SULT2A1: variants seen among roughly 807,000 people sequenced by gnomAD.
SULT2A1 encodes the protein sulfotransferase family 2A member 1.
SULT2A1 carries 43 observed loss-of-function variants against 33.9 expected under a neutral mutation model. That is an observed-to-expected ratio of 1.27 (90% CI 1.00 to 1.64). SULT2A1 has a LOEUF of 1.64. Among genes scored for constraint, SULT2A1 ranks in the 40% most tolerant of loss-of-function variants. SULT2A1 has a pLI of 0.00. For synonymous variants in SULT2A1, 125 were observed against 113.6 expected, an observed-to-expected ratio of 1.10 and a Z score of -0.64; for missense variants, 300 against 335.1, an observed-to-expected ratio of 0.90 and a Z score of 0.82.
intron 4 of SULT2A1, among the ~76,000 whole-genome samples, chr19:47,875,886 T>C (rs1372403256): frequency 1.3e-5 from 2 of 152,194 alleles, no homozygotes; most frequent in Non-Finnish European, 2.9e-5. Context: ...TACTGTCAGA[T>C]AGTACTGTTT....
chr19:47,883,014 C>T (rs535351786), intron 2 of SULT2A1, among the ~76,000 whole-genome samples: 17 of 152,002 alleles, frequency 1.1e-4, no homozygotes, highest in Non-Finnish European at 2.2e-4. Flanking sequence ...CTGGATATGC[C>T]TTGTCCCTCT....
rs1442952150 is a variant in SULT2A1, at chr19:47,871,463, A to T, written c.850T>A (p.Trp284Arg). The T allele has an allele frequency of 1.2e-6, 2 of 1,613,294 alleles. No individual in the cohort carries two copies. The highest frequency in any genetic ancestry group is 1.7e-5 in the Admixed American group (1 of 59,986). The stretch of plus-strand genomic sequence containing the variant: ...CCAGAGTGTTTTGGACGTTATTCCC[A>T]TGGGAACAGCTCTCGAGGAAGATCT... Reference protein sequence around the residue: ...MADLPRELFPWE With the variant: ...MADLPRELFPRE The change falls in exon 6 of 6, where the codon TGG becomes AGG. Residue 284 changes from tryptophan (W) to arginine (R), a missense_variant. Physicochemically the swap from Trp to Arg is moderately radical, Grantham distance 101. Transcript: ENST00000222002.
intron 5 of SULT2A1, among the ~76,000 whole-genome samples, chr19:47,874,122 G>GT (rs1968519290): frequency 6.6e-6 from 1 of 152,208 alleles, no homozygotes; most frequent in Middle Eastern, 3.4e-3. Flanking sequence ...ATGACCTCAC[G>GT]TAAGTCAGAT....
At chr19:47,871,830 C>T (rs190455605) in intron 5 of SULT2A1, among the ~76,000 whole-genome samples, 29 of 152,280 alleles carry the variant, frequency 1.9e-4, no homozygotes, top group Admixed American at 7.2e-4. Context: ...TCACGTCTCA[C>T]CACCTCTGTT....
chr19:47,874,828 C>T lies in SULT2A1; in HGVS notation c.574G>A (p.Gly192Arg), dbSNP rs888475801. The T allele has an allele frequency of 6.2e-7, 1 of 1,612,774 alleles. No homozygotes were observed. Among genetic ancestry groups the T allele is most frequent in the Non-Finnish European group, 8.5e-7 (1 of 1,179,730 alleles). Residue 192 changes from glycine (G) to arginine (R), a missense_variant, in exon 5 of 6, where the codon GGA becomes AGA. Coordinates refer to ENST00000222002, the MANE Select transcript of SULT2A1 (RefSeq NM_003167.4). Reference sequence around the variant, plus strand: ...TGACAGATCTTCTCTATGGTTCTTCCTGTGTCCTAAAAAAGAAAAATCAAG... The same window carrying T: ...TGACAGATCTTCTCTATGGTTCTTCTTGTGTCCTAAAAAAGAAAAATCAAG... ...LSYEELKQDT[G>R]RTIEKICQFL...
At chr19:47,876,507 T>C (rs1968545291) in intron 4 of SULT2A1, among the ~76,000 whole-genome samples, 1 of 152,112 alleles carries the variant, frequency 6.6e-6, no homozygotes, top group African/African-American at 2.4e-5. Context: ...AGGTATGGGA[T>C]CGTGTATCTG....
At chr19:47,884,476 CTT>C (rs71181610) in intron 1 of SULT2A1, among the ~76,000 whole-genome samples, 1,386 of 118,820 alleles carry the variant, frequency 0.012, 28 homozygotes, top group African/African-American at 0.032. Flanking sequence ...CTGCGCCTGG[CTT>C]TTTTTTTTTT....
At position 47,874,837 on chromosome 19, in the gene SULT2A1, A is replaced by C. The variant is rs1764201648; in HGVS notation, c.568-3T>G. ...TTCTCTATGGTTCTTCCTGTGTCCTAAAAAAGAAAAATCAAGAGAGAGGAT... is the reference window on the plus strand; with the variant it reads ...TTCTCTATGGTTCTTCCTGTGTCCTCAAAAAGAAAAATCAAGAGAGAGGAT... On this transcript the variant is annotated splice_polypyrimidine_tract_variant and splice_region_variant and intron_variant, in intron 4 of 5. Coordinates refer to ENST00000222002, the MANE Select transcript of SULT2A1 (RefSeq NM_003167.4). The C allele has an allele frequency of 1.9e-6, 3 of 1,611,598 alleles. No homozygotes were observed. In the African/African-American group the frequency reaches 4.0e-5, roughly 22 times the overall value.
intron 4 of SULT2A1, among the ~76,000 whole-genome samples, chr19:47,875,158 CAAAAAAAAA>C (rs36196588): frequency 7.4e-5 from 7 of 94,050 alleles, no homozygotes; most frequent in African/African-American, 1.6e-4. Flanking sequence ...GAGACCTTGT[CAAAAAAAAA>C]AAAAAAAAAA....
chr19:47,878,799 G>A (rs554413891), intron 4 of SULT2A1, among the ~76,000 whole-genome samples: 8 of 152,260 alleles, frequency 5.3e-5, no homozygotes, highest in Admixed American at 3.3e-4. Context: ...ACAGGCGCCA[G>A]CCAACGTGCC....
chr19:47,884,856 A>G (rs1968640794), intron 1 of SULT2A1, among the ~76,000 whole-genome samples: 1 of 116,868 alleles, frequency 8.6e-6, no homozygotes, highest in African/African-American at 3.3e-5. Context: ...TCTGTCACCC[A>G]GGCTGGAGTG....
chr19:47,880,169 G>A (rs1460401922), intron 3 of SULT2A1, among the ~76,000 whole-genome samples: 1 of 143,456 alleles, frequency 7.0e-6, no homozygotes, highest in African/African-American at 2.7e-5. Flanking sequence ...CCTGGGAGGC[G>A]GAGCTTGCAG....
intron 5 of SULT2A1, 64 bp downstream of exon 5, chr19:47,874,593 T>G: frequency 7.6e-7 from 1 of 1,319,226 alleles, no homozygotes; most frequent in Non-Finnish European, 1.1e-6. Flanking sequence ...AGCGCCCAGT[T>G]GTGACCATAG....
chr19:47,871,352 A>G lies in SULT2A1; in HGVS notation c.*103T>C. The G allele has an allele frequency of 1.1e-6, 1 of 871,122 alleles. No homozygotes were observed. The highest frequency in any genetic ancestry group is 1.8e-6 in the Non-Finnish European group (1 of 543,426). The allele number at this position is 871,122 out of a possible 1,614,324, so 54.0% of individuals were successfully genotyped here. A position where few individuals can be genotyped will look rare whatever the true frequency, so the allele number is the denominator to read the frequency against. ...GCAGAGGTTTGATATTTAAGGTTTCAGGATAAAATAATAAGTCTTACACAA... is the reference window on the plus strand; with the variant it reads ...GCAGAGGTTTGATATTTAAGGTTTCGGGATAAAATAATAAGTCTTACACAA... On this transcript the variant is annotated 3_prime_UTR_variant, in exon 6 of 6. Transcript: ENST00000222002.
In SULT2A1 at chr19:47,871,331, AG is replaced by A. The variant is rs377708000; in HGVS notation, c.*123del. On this transcript the variant is annotated 3_prime_UTR_variant, in exon 6 of 6. Transcript: ENST00000222002. ...AACAAGGAAGGGATCAGAGATGCAG[AG>A]GTTTGATATTTAAGGTTTCAGGATA... 24 of 747,624 alleles carry A rather than the reference AG, an allele frequency of 3.2e-5. No homozygotes were observed. In the African/African-American group the frequency reaches 3.5e-4, roughly 11 times the overall value. The allele number at this position is 747,624 out of a possible 1,614,324, so 46.3% of individuals were successfully genotyped here. A position where few individuals can be genotyped will look rare whatever the true frequency, so the allele number is the denominator to read the frequency against.
chr19:47,873,786 G>C (rs1372683909), intron 5 of SULT2A1, among the ~76,000 whole-genome samples: 1 of 151,740 alleles, frequency 6.6e-6, no homozygotes, highest in Non-Finnish European at 1.5e-5. Context: ...ACCATGCCCG[G>C]CTAATTTTTT....
intron 4 of SULT2A1, among the ~76,000 whole-genome samples, chr19:47,876,308 A>G (rs1369943780): frequency 6.6e-6 from 1 of 152,090 alleles, no homozygotes; most frequent in Admixed American, 6.6e-5. Flanking sequence ...GAACCACCGC[A>G]CCTGGCCAAC....
At chr19:47,875,765 G>T (rs1968538020) in intron 4 of SULT2A1, among the ~76,000 whole-genome samples, 1 of 152,118 alleles carries the variant, frequency 6.6e-6, no homozygotes, top group Non-Finnish European at 1.5e-5. Flanking sequence ...ACAGAGCCTC[G>T]GGTTTCCTAA....
chr19:47,875,158 C>CAAAAAAAAAAAAAA (rs36196588), intron 4 of SULT2A1, among the ~76,000 whole-genome samples: 5 of 94,050 alleles, frequency 5.3e-5, no homozygotes, highest in South Asian at 3.9e-4. Context: ...GAGACCTTGT[C>CAAAAAAAAAAAAAA]AAAAAAAAAA....
Sources: gnomAD v4.1 joint callset for allele counts (sites outside exome capture counted in the v4.1 genomes callset) on GRCh38, gnomAD v4.1.1 for gene constraint, MANE v1.5 for transcripts, NCBI Gene and HGNC (gene_info 2026-07-23, HGNC 2026-07-21) for gene names.